TSHZ2: variants seen among roughly 807,000 people sequenced by gnomAD.
The protein encoded by TSHZ2 is teashirt zinc finger homeobox 2.
A neutral mutation model predicts 74.4 loss-of-function variants in TSHZ2; 21 were observed. The observed-to-expected ratio is 0.28, with a 90% CI of 0.20 to 0.41. The LOEUF (loss-of-function observed/expected upper bound fraction) is 0.41, where lower values mean the gene tolerates loss of function less well. TSHZ2 is among the 10% of genes least tolerant of loss of function. The probability of loss-of-function intolerance (pLI) is 1.00; values close to 1 mark genes in which losing one functional copy is unlikely to be tolerated. For missense variants in TSHZ2, 1,244 were observed against 1,293.5 expected (o/e 0.96, Z 0.59); for synonymous variants, 540 against 515.3 (o/e 1.05, Z -0.65).
chr20:53,220,373 T>C (rs1989525854), intron 1 of TSHZ2, among the ~76,000 whole-genome samples: 1 of 152,190 alleles, frequency 6.6e-6, no homozygotes, highest in Non-Finnish European at 1.5e-5. Flanking sequence ...AGCACTGACT[T>C]GGGAAGAATT....
chr20:53,379,330 C>T (rs958361467), intron 2 of TSHZ2, among the ~76,000 whole-genome samples: 1 of 152,124 alleles, frequency 6.6e-6, no homozygotes, highest in African/African-American at 2.4e-5. Context: ...TGAAATGAGC[C>T]GTGATTGTGC....
At chr20:53,187,964 A>G (rs868313838) in intron 1 of TSHZ2, among the ~76,000 whole-genome samples, 49 of 152,114 alleles carry the variant, frequency 3.2e-4, no homozygotes, top group African/African-American at 1.2e-3. Flanking sequence ...CACCCTCTCC[A>G]TATATCATTA....
chr20:53,405,986 G>T (rs1321090598), intron 2 of TSHZ2, among the ~76,000 whole-genome samples: 2 of 152,096 alleles, frequency 1.3e-5, no homozygotes, highest in Admixed American at 6.6e-5. Context: ...GACAGAGCAA[G>T]ACCCTGTCTC....
rs190760759 is a variant in TSHZ2 at position 53,019,347 on chromosome 20, C to G, written c.40+46014C>G. Among the ~76,000 whole-genome samples the G allele has an allele frequency of 1.3e-4, 20 of 152,032 alleles. No homozygotes were observed. In the East Asian group the frequency reaches 3.9e-3, roughly 29 times the overall value. On this transcript the variant is annotated intron_variant, in intron 1 of 2. Transcript: ENST00000371497. ...CCTTCTTTAAGACTTGATTTGAAAG[C>G]ACTGAAGTCACTATCCTATATGGCA...
chr20:53,026,971 C>A (rs138718712), intron 1 of TSHZ2, among the ~76,000 whole-genome samples: 1 of 151,388 alleles, frequency 6.6e-6, no homozygotes, highest in Non-Finnish European at 1.5e-5. Flanking sequence ...ATAAAGACAG[C>A]GAGACCCTGT....
chr20:53,483,381 C>T (rs1299113616), intron 2 of TSHZ2, among the ~76,000 whole-genome samples: 9 of 151,994 alleles, frequency 5.9e-5, no homozygotes, highest in East Asian at 5.8e-4. Flanking sequence ...GGCATGGTGG[C>T]GCACCTGTAG....
chr20:53,101,577 T>C (rs1986219544), intron 1 of TSHZ2, among the ~76,000 whole-genome samples: 1 of 152,208 alleles, frequency 6.6e-6, no homozygotes, highest in Non-Finnish European at 1.5e-5. Flanking sequence ...TTTCCGACAG[T>C]TTGTAGAAAC....
At chr20:52,987,070 C>T (rs186510922) in intron 1 of TSHZ2, among the ~76,000 whole-genome samples, 112 of 152,258 alleles carry the variant, frequency 7.4e-4, no homozygotes, top group African/African-American at 2.6e-3. Flanking sequence ...AAGATAGAGG[C>T]TTTCATTAAA....
chr20:53,419,887 C>T (rs139197023), intron 2 of TSHZ2, among the ~76,000 whole-genome samples: 54 of 152,372 alleles, frequency 3.5e-4, no homozygotes, highest in Middle Eastern at 3.4e-3. Context: ...CATGACACCA[C>T]GCTGCCGATC....
In TSHZ2 at chr20:53,237,245, T is replaced by C. The variant is rs557028748; in HGVS notation, c.41-16254T>C. 1.3e-3 allele frequency among the ~76,000 whole-genome samples: 192 copies of C among 152,260 alleles called. 2 individuals carry two copies. Among genetic ancestry groups the C allele is most frequent in the South Asian group, 3.9e-3 (19 of 4,814 alleles). On this transcript the variant is annotated intron_variant, in intron 1 of 2. Coordinates refer to ENST00000371497, the MANE Select transcript of TSHZ2 (RefSeq NM_173485.6). ...AGGTTGTCTTCACAGCAGAATAAGGTCAGATGGAGGTCTCAAAATCAATGC... is the reference window on the plus strand; with the variant it reads ...AGGTTGTCTTCACAGCAGAATAAGGCCAGATGGAGGTCTCAAAATCAATGC...
intron 1 of TSHZ2, among the ~76,000 whole-genome samples, chr20:53,135,286 T>A (rs1987217281): frequency 6.6e-6 from 1 of 152,112 alleles, no homozygotes; most frequent in Non-Finnish European, 1.5e-5. Context: ...CCCTCCTGCT[T>A]CCCTCTCCAG....
intron 1 of TSHZ2, among the ~76,000 whole-genome samples, chr20:53,002,834 G>A (rs1439807757): frequency 6.6e-6 from 1 of 152,140 alleles, no homozygotes; most frequent in Non-Finnish European, 1.5e-5. Context: ...AAGTTTATCT[G>A]TGAGCAGTTA....
Position 53,261,891 on chromosome 20 carries a change from C to T in TSHZ2, c.*8+5320C>T, listed in dbSNP as rs142803053. ...TGTAATTCTTCAGCTAAATTAAAAA[C>T]GTCTTTGCGAAAGTGAGGAGGGGAA... On this transcript the variant is annotated intron_variant, in intron 2 of 2. Coordinates refer to ENST00000371497, the MANE Select transcript of TSHZ2 (RefSeq NM_173485.6). Among the ~76,000 whole-genome samples the T allele has an allele frequency of 2.1e-3, 317 of 152,220 alleles. 7 individuals are homozygous for T. The highest frequency in any genetic ancestry group is 0.015 in the Admixed American group (236 of 15,294).
intron 1 of TSHZ2, among the ~76,000 whole-genome samples, chr20:53,153,303 C>G (rs111739896): frequency 1.8e-4 from 28 of 152,272 alleles, no homozygotes; most frequent in African/African-American, 6.3e-4. Flanking sequence ...GTGGCCAAAG[C>G]AGGCAGTGGC....
intron 1 of TSHZ2, among the ~76,000 whole-genome samples, chr20:53,096,929 AAAAC>A (rs1487076348): frequency 3.4e-5 from 5 of 147,264 alleles, no homozygotes; most frequent in Admixed American, 6.7e-5. Flanking sequence ...AAACAAAACA[AAAAC>A]AAAAAACAAA....
At chr20:53,250,904 T>C (rs1362205535) in intron 1 of TSHZ2, among the ~76,000 whole-genome samples, 3 of 70,520 alleles carry the variant, frequency 4.3e-5, no homozygotes, top group Non-Finnish European at 2.8e-5. Context: ...GGGCAGATTG[T>C]GTGTGTGTGT....
intron 2 of TSHZ2, among the ~76,000 whole-genome samples, chr20:53,382,655 C>G (rs1349323512): frequency 6.6e-6 from 1 of 152,240 alleles, no homozygotes; most frequent in East Asian, 1.9e-4. Context: ...CACTCCATGG[C>G]TCCCCCCGGG....
At chr20:53,463,623 C>T (rs1183614339) in intron 2 of TSHZ2, among the ~76,000 whole-genome samples, 2 of 152,176 alleles carry the variant, frequency 1.3e-5, no homozygotes, top group Admixed American at 1.3e-4. Context: ...AGCAGTAGTT[C>T]TCAATCTTGG....
chr20:53,252,825 G>A (rs1024897726), intron 1 of TSHZ2, among the ~76,000 whole-genome samples: 2 of 152,050 alleles, frequency 1.3e-5, no homozygotes, highest in African/African-American at 2.4e-5. Context: ...CACCATTTGC[G>A]ATTATTTTCA....
Sources: allele counts gnomAD v4.1 joint callset (sites outside exome capture counted in the v4.1 genomes callset), GRCh38; gene constraint gnomAD v4.1.1; transcripts MANE v1.5; gene names NCBI Gene and HGNC (gene_info 2026-07-23, HGNC 2026-07-21).